SNX29: variants seen among roughly 807,000 people sequenced by gnomAD.
SNX29 encodes the protein sorting nexin 29.
A neutral mutation model predicts 102.1 loss-of-function variants in SNX29; 78 were observed. The observed-to-expected ratio is 0.76, with a 90% CI of 0.64 to 0.92. SNX29 has a LOEUF of 0.92. Among genes scored for constraint, SNX29 ranks in the 40% least tolerant of loss-of-function variants. SNX29 has a pLI of 0.00. For synonymous variants in SNX29, 580 were observed against 414.5 expected (o/e 1.40, Z -4.85); for missense variants, 1,280 against 1,061.7 (o/e 1.21, Z -2.86).
chr16:12,346,600 C>A (rs561962271), intron 15 of SNX29, among the ~76,000 whole-genome samples: 1 of 152,282 alleles, frequency 6.6e-6, no homozygotes, highest in African/African-American at 2.4e-5. Context: ...AATTGGGGAA[C>A]CCGCTTAAAG....
chr16:12,384,115 C>A (rs1320031770), intron 16 of SNX29, among the ~76,000 whole-genome samples: 1 of 152,206 alleles, frequency 6.6e-6, no homozygotes, highest in African/African-American at 2.4e-5. Context: ...TATACCCATT[C>A]ATCTGTTGGT....
At chr16:12,293,867 C>T (rs140352155) in intron 15 of SNX29, among the ~76,000 whole-genome samples, 18 of 152,302 alleles carry the variant, frequency 1.2e-4, no homozygotes, top group Admixed American at 2.6e-4. Flanking sequence ...AGTGCTTATA[C>T]GGTGCCAGGC....
intron 18 of SNX29, among the ~76,000 whole-genome samples, chr16:12,404,917 A>G (rs1320253782): frequency 1.3e-5 from 2 of 152,232 alleles, no homozygotes; most frequent in Non-Finnish European, 2.9e-5. Context: ...TTAGGGACAG[A>G]TGAGCTAGAC....
chr16:12,573,446 G>T lies in SNX29; in HGVS notation c.*4817G>T. On this transcript the variant is annotated 3_prime_UTR_variant, in exon 21 of 21. Transcript: ENST00000566228. ...CTGGCTTCCTTAATAAGATAGTTGAGCCTATGACATTAAGGAGCAGCGCTG... is the reference window on the plus strand; with the variant it reads ...CTGGCTTCCTTAATAAGATAGTTGATCCTATGACATTAAGGAGCAGCGCTG... 1 of 224,062 alleles carries T rather than the reference G, an allele frequency of 4.5e-6. No homozygotes were observed. Among genetic ancestry groups the T allele is most frequent in the Non-Finnish European group, 8.9e-6 (1 of 112,406 alleles). The allele number at this position is 224,062 out of a possible 1,614,324, so 13.9% of individuals were successfully genotyped here. A position where few individuals can be genotyped will look rare whatever the true frequency, so the allele number is the denominator to read the frequency against.
chr16:12,230,613 A>C (rs539600616), intron 14 of SNX29, among the ~76,000 whole-genome samples: 1 of 152,218 alleles, frequency 6.6e-6, no homozygotes, highest in Non-Finnish European at 1.5e-5. Flanking sequence ...GACAAATTTT[A>C]GCATTTGTTT....
intron 19 of SNX29, among the ~76,000 whole-genome samples, chr16:12,510,515 A>C (rs1284237033): frequency 2.0e-5 from 3 of 152,112 alleles, no homozygotes; most frequent in Non-Finnish European, 2.9e-5. Flanking sequence ...TCTACTAAAA[A>C]GACAAAAATT....
chr16:12,130,513 C>CA (rs112726854), intron 13 of SNX29, among the ~76,000 whole-genome samples: 239 of 144,492 alleles, frequency 1.7e-3, no homozygotes, highest in African/African-American at 5.6e-3. Flanking sequence ...GCGACTAAAG[C>CA]AAAAAAAGTG....
chr16:12,024,545 G>A (rs2057134685), intron 3 of SNX29, among the ~76,000 whole-genome samples: 1 of 152,190 alleles, frequency 6.6e-6, no homozygotes, highest in Non-Finnish European at 1.5e-5. Flanking sequence ...CTTTGGCGAG[G>A]AAGGCATCAT....
In SNX29 at chr16:12,573,626, T is replaced by C. The variant is rs2079232628; in HGVS notation, c.*4997T>C. Reference sequence around the variant, plus strand: ...TTCTCAGCTCTGCCGCTGGTCTCCATGAACGGCAAGGGGAACCACCACTCA... The same window carrying C: ...TTCTCAGCTCTGCCGCTGGTCTCCACGAACGGCAAGGGGAACCACCACTCA... On this transcript the variant is annotated 3_prime_UTR_variant, in exon 21 of 21. Coordinates refer to ENST00000566228, the MANE Select transcript of SNX29 (RefSeq NM_032167.5). 4.5e-6 allele frequency: 1 copy of C among 221,472 alleles called. No homozygotes were observed. The highest frequency in any genetic ancestry group is 2.2e-5 in the African/African-American group (1 of 44,694). 13.7% of individuals were successfully genotyped at this position (221,472 alleles called of 1,614,324 possible). A position where few individuals can be genotyped will look rare whatever the true frequency, so the allele number is the denominator to read the frequency against.
At chr16:12,470,109 G>C (rs1210272603) in intron 18 of SNX29, among the ~76,000 whole-genome samples, 1 of 152,262 alleles carries the variant, frequency 6.6e-6, no homozygotes, top group Non-Finnish European at 1.5e-5. Context: ...AAATGGTACA[G>C]CTTTTTCTGT....
rs554913814 is a variant in SNX29, at chr16:12,036,623, C to T, written c.248-6274C>T. ...TGCTGGGATTACAGGCGTGAGCCAC[C>T]GCGCCCAGCGGGTTTTCTGTTTTTG... On this transcript the variant is annotated intron_variant, in intron 4 of 20. Coordinates refer to ENST00000566228, the MANE Select transcript of SNX29 (RefSeq NM_032167.5). 9.3e-5 allele frequency among the ~76,000 whole-genome samples: 14 copies of T among 149,866 alleles called. No homozygotes were observed. The East Asian group carries it at 9.7e-4, about 10-fold the overall frequency.
chr16:12,318,130 G>A (rs2080812516), intron 15 of SNX29, among the ~76,000 whole-genome samples: 2 of 152,360 alleles, frequency 1.3e-5, no homozygotes, highest in Middle Eastern at 3.4e-3. Context: ...GAGCCCCCAC[G>A]GCTGCAAGAG....
At chr16:12,158,393 G>GT (rs2055645315) in intron 13 of SNX29, among the ~76,000 whole-genome samples, 1 of 151,810 alleles carries the variant, frequency 6.6e-6, no homozygotes, top group Admixed American at 6.6e-5. Context: ...AGAGATGAGG[G>GT]TTCACCATGT....
intron 15 of SNX29, among the ~76,000 whole-genome samples, chr16:12,305,640 A>G (rs1232916251): frequency 6.6e-6 from 1 of 152,220 alleles, no homozygotes; most frequent in Non-Finnish European, 1.5e-5. Flanking sequence ...TTGCATGGAA[A>G]TATTATTTAT....
chr16:12,065,103 T>A (rs927890919), intron 9 of SNX29, among the ~76,000 whole-genome samples: 1 of 152,340 alleles, frequency 6.6e-6, no homozygotes, highest in East Asian at 1.9e-4. Context: ...AAAGGAGTTC[T>A]CTTGAATCTT....
intron 16 of SNX29, among the ~76,000 whole-genome samples, chr16:12,379,770 G>C (rs1191299459): frequency 6.6e-6 from 1 of 152,178 alleles, no homozygotes; most frequent in African/African-American, 2.4e-5. Flanking sequence ...GTGAGCAACA[G>C]GTCAGGGCTC....
At position 12,078,819 on chromosome 16, in the gene SNX29, C is replaced by A; in HGVS notation, c.1320-14C>A. ...GTGGCCGAGTGTAACTTCCTCCTGCCTGCTTTTTCCTAGTGTGGAAGCCAG... is the reference window on the plus strand; with the variant it reads ...GTGGCCGAGTGTAACTTCCTCCTGCATGCTTTTTCCTAGTGTGGAAGCCAG... On this transcript the variant is annotated splice_polypyrimidine_tract_variant and intron_variant, in intron 10 of 20. Transcript: ENST00000566228. The A allele has an allele frequency of 6.3e-7, 1 of 1,591,380 alleles. No individual in the cohort carries two copies. Among genetic ancestry groups the A allele is most frequent in the East Asian group, 2.3e-5 (1 of 43,998 alleles).
Position 12,548,291 on chromosome 16 carries a change from G to C in SNX29, c.2319-20215G>C, listed in dbSNP as rs1046453305. Among the ~76,000 whole-genome samples, 6 of 152,308 alleles carry C rather than the reference G, an allele frequency of 3.9e-5. No homozygotes were observed. The South Asian group carries it at 1.2e-3, about 32-fold the overall frequency. On this transcript the variant is annotated intron_variant, in intron 20 of 20. Coordinates refer to ENST00000566228, the MANE Select transcript of SNX29 (RefSeq NM_032167.5). ...GTGGACCTGACTGGGAAGGCTGGAA[G>C]CTACTGTCCCTGGAGCCCTACTCTC...
intron 20 of SNX29, among the ~76,000 whole-genome samples, chr16:12,532,507 TG>T (rs1464480716): frequency 2.0e-5 from 3 of 152,214 alleles, no homozygotes; most frequent in Non-Finnish European, 4.4e-5. Context: ...GTGGGAAGGA[TG>T]TTAGTAATAG....
Sources: gnomAD v4.1 joint callset for allele counts (sites outside exome capture counted in the v4.1 genomes callset) on GRCh38, gnomAD v4.1.1 for gene constraint, MANE v1.5 for transcripts, NCBI Gene and HGNC (gene_info 2026-07-23, HGNC 2026-07-21) for gene names.